NRG3: variants seen among roughly 807,000 people sequenced by gnomAD.
The protein encoded by NRG3 is neuregulin 3.
A neutral mutation model predicts 66.9 loss-of-function variants in NRG3; 31 were observed. The ratio of observed to expected loss-of-function variants is 0.46; its 90% confidence interval spans 0.35 to 0.63. NRG3 has a LOEUF of 0.63. Ranked by LOEUF, NRG3 falls within the 20% of genes least tolerant of loss-of-function variation. The pLI, the probability that NRG3 is intolerant of heterozygous loss-of-function variation, is 0.00. For missense variants in NRG3, 910 were observed against 878.9 expected, an observed-to-expected ratio of 1.04 and a Z score of -0.45; for synonymous variants, 393 against 359.4, an observed-to-expected ratio of 1.09 and a Z score of -1.06.
At chr10:82,815,047 C>T (rs561540809) in intron 3 of NRG3, among the ~76,000 whole-genome samples, 151 of 152,306 alleles carry the variant, frequency 9.9e-4, no homozygotes, top group African/African-American at 3.4e-3. Context: ...GATTGTTGCT[C>T]TGAGAGTGTG....
chr10:81,971,494 G>A lies in NRG3; in HGVS notation c.823+95331G>A, dbSNP rs1477215313. Among the ~76,000 whole-genome samples the A allele has an allele frequency of 2.6e-5, 4 of 152,142 alleles. No individual in the cohort carries two copies. In the East Asian group the frequency reaches 5.8e-4, roughly 22 times the overall value. On this transcript the variant is annotated intron_variant, in intron 1 of 8. Transcript: ENST00000372141. The stretch of plus-strand genomic sequence containing the variant: ...GGAAAAGATCAACTATGATGACAGG[G>A]ACTTACACTTCTGGCCCAGTTGGAG...
At chr10:82,695,860 A>G (rs1429999815) in intron 2 of NRG3, among the ~76,000 whole-genome samples, 1 of 152,080 alleles carries the variant, frequency 6.6e-6, no homozygotes, top group African/African-American at 2.4e-5. Flanking sequence ...ACTGCATTAT[A>G]TGATATTTGG....
chr10:82,316,967 G>T (rs1393881535), intron 1 of NRG3, among the ~76,000 whole-genome samples: 2 of 152,294 alleles, frequency 1.3e-5, no homozygotes, highest in Admixed American at 6.5e-5. Flanking sequence ...TCTAGCTCAT[G>T]TGTTCAGCGT....
intron 2 of NRG3, among the ~76,000 whole-genome samples, chr10:82,731,247 G>T (rs2057885814): frequency 1.3e-5 from 2 of 151,478 alleles, no homozygotes; most frequent in South Asian, 4.2e-4. Flanking sequence ...CATGCATGTA[G>T]TCCCAGCTAC....
At chr10:82,727,207 G>C (rs1764359996) in intron 2 of NRG3, among the ~76,000 whole-genome samples, 1 of 152,234 alleles carries the variant, frequency 6.6e-6, no homozygotes, top group African/African-American at 2.4e-5. Flanking sequence ...GCTGGCTGCA[G>C]AAATTTGCAT....
chr10:82,023,783 G>T (rs1215307319), intron 1 of NRG3, among the ~76,000 whole-genome samples: 1 of 151,990 alleles, frequency 6.6e-6, no homozygotes, highest in Non-Finnish European at 1.5e-5. Flanking sequence ...TTGCATCCAT[G>T]TCCATCAGGA....
chr10:82,924,060 G>A (rs1014457520), intron 4 of NRG3, among the ~76,000 whole-genome samples: 14 of 134,672 alleles, frequency 1.0e-4, no homozygotes, highest in African/African-American at 4.0e-4. Context: ...GTGTACTCCA[G>A]CCTGGGCAAC....
At chr10:82,607,089 T>A (rs1213820882) in intron 2 of NRG3, among the ~76,000 whole-genome samples, 1 of 152,156 alleles carries the variant, frequency 6.6e-6, no homozygotes, top group Non-Finnish European at 1.5e-5. Context: ...TCCCACTGTT[T>A]CAGTGTATTG....
intron 2 of NRG3, among the ~76,000 whole-genome samples, chr10:82,383,422 T>C (rs945153832): frequency 3.4e-5 from 4 of 118,586 alleles, no homozygotes; most frequent in African/African-American, 1.5e-4. Flanking sequence ...ATGTTTTTCC[T>C]TTTTTAAAAA....
intron 3 of NRG3, chr10:82,799,616 T>C (rs1354895413): frequency 6.6e-6 from 1 of 151,330 alleles, no homozygotes; most frequent in Admixed American, 6.6e-5. Flanking sequence ...TTTTGAGAAA[T>C]ACAGGCAGAA....
At chr10:82,312,456 T>C (rs755341887) in intron 1 of NRG3, among the ~76,000 whole-genome samples, 4 of 152,174 alleles carry the variant, frequency 2.6e-5, no homozygotes, top group Non-Finnish European at 5.9e-5. Flanking sequence ...TTTGGTACAT[T>C]TCCATGGTCC....
chr10:82,276,382 C>A (rs943623604), intron 1 of NRG3, among the ~76,000 whole-genome samples: 1 of 151,882 alleles, frequency 6.6e-6, no homozygotes, highest in South Asian at 2.1e-4. Flanking sequence ...AAATATAGTT[C>A]ATGAAAAGTG....
chr10:82,767,587 C>T (rs1177949967), intron 3 of NRG3, among the ~76,000 whole-genome samples: 1 of 151,930 alleles, frequency 6.6e-6, no homozygotes, highest in African/African-American at 2.4e-5. Context: ...TTAAATTTCT[C>T]TTGGTTGGCT....
intron 4 of NRG3, among the ~76,000 whole-genome samples, chr10:82,886,842 C>T (rs1257715463): frequency 6.6e-6 from 1 of 152,206 alleles, no homozygotes; most frequent in Admixed American, 6.5e-5. Context: ...TAAATGACAA[C>T]CAGTTCAGAT....
chr10:82,974,815 C>A (rs1852102954), intron 7 of NRG3, among the ~76,000 whole-genome samples: 1 of 152,332 alleles, frequency 6.6e-6, no homozygotes, highest in African/African-American at 2.4e-5. Flanking sequence ...CAACACCAAG[C>A]CAGAAACATA....
intron 4 of NRG3, among the ~76,000 whole-genome samples, chr10:82,903,068 A>G (rs1474141104): frequency 1.3e-5 from 2 of 152,114 alleles, no homozygotes; most frequent in Non-Finnish European, 2.9e-5. Flanking sequence ...TTACTATAAA[A>G]AGTTAAAAGT....
At chr10:82,001,753 C>G (rs2061177097) in intron 1 of NRG3, among the ~76,000 whole-genome samples, 1 of 152,108 alleles carries the variant, frequency 6.6e-6, no homozygotes, top group South Asian at 2.1e-4. Context: ...AATTAAGAAG[C>G]TAAGAGGAAA....
intron 4 of NRG3, among the ~76,000 whole-genome samples, chr10:82,925,904 G>A (rs1846946171): frequency 6.6e-6 from 1 of 152,204 alleles, no homozygotes; most frequent in Non-Finnish European, 1.5e-5. Flanking sequence ...AATGCAACTA[G>A]CGATGGCAAG....
intron 4 of NRG3, among the ~76,000 whole-genome samples, chr10:82,912,833 A>T (rs539288664): frequency 4.6e-5 from 7 of 152,116 alleles, no homozygotes; most frequent in Non-Finnish European, 1.5e-5. Context: ...TTTTCTAGAT[A>T]TATTTTGTTA....
Sources: allele counts gnomAD v4.1 joint callset (sites outside exome capture counted in the v4.1 genomes callset), GRCh38; gene constraint gnomAD v4.1.1; transcripts MANE v1.5; gene names NCBI Gene and HGNC (gene_info 2026-07-23, HGNC 2026-07-21).